Variants in ADAMTS3 observed in about 807,000 individuals in gnomAD.
The protein encoded by ADAMTS3 is ADAM metallopeptidase with thrombospondin type 1 motif 3.
ADAMTS3 carries 73 observed loss-of-function variants against 129.0 expected under a neutral mutation model. The observed-to-expected ratio is 0.57, with a 90% CI of 0.47 to 0.69. ADAMTS3 has a LOEUF of 0.69. Ranked by LOEUF, ADAMTS3 falls within the 30% of genes least tolerant of loss-of-function variation. The pLI, the probability that ADAMTS3 is intolerant of heterozygous loss-of-function variation, is 0.00. For synonymous variants in ADAMTS3, 477 were observed against 510.8 expected, an observed-to-expected ratio of 0.93 and a Z score of 0.89; for missense variants, 1,457 against 1,514.5, an observed-to-expected ratio of 0.96 and a Z score of 0.63.
intron 17 of ADAMTS3, among the ~76,000 whole-genome samples, chr4:72,302,085 G>C (rs998644414): frequency 6.6e-6 from 1 of 151,978 alleles, no homozygotes; most frequent in Non-Finnish European, 1.5e-5. Context: ...ATAAAACTAG[G>C]CCTTAAAGGA....
chr4:72,404,150 A>G (rs1721993287), intron 4 of ADAMTS3, among the ~76,000 whole-genome samples: 2 of 152,234 alleles, frequency 1.3e-5, no homozygotes, highest in Non-Finnish European at 2.9e-5. Flanking sequence ...GGCATTTTTT[A>G]CGGACATAGA....
intron 6 of ADAMTS3, among the ~76,000 whole-genome samples, chr4:72,322,517 CTCT>C (rs1719582837): frequency 6.6e-6 from 1 of 152,150 alleles, no homozygotes; most frequent in Non-Finnish European, 1.5e-5. Flanking sequence ...CTGCACCTTC[CTCT>C]TAAGTGGAAA....
chr4:72,528,664 T>C (rs1239281822), intron 3 of ADAMTS3, among the ~76,000 whole-genome samples: 1 of 151,966 alleles, frequency 6.6e-6, no homozygotes, highest in Admixed American at 6.6e-5. Context: ...TTTATTTATA[T>C]AAAATCTTAG....
chr4:72,303,883 G>A (rs768639089), intron 17 of ADAMTS3, 34 bp downstream of exon 17: 6 of 1,605,376 alleles, frequency 3.7e-6, no homozygotes, highest in Middle Eastern at 1.7e-4. Context: ...AGTAAGCTGA[G>A]CTAACTATAC....
intron 3 of ADAMTS3, among the ~76,000 whole-genome samples, chr4:72,464,270 T>C (rs979154939): frequency 7.2e-5 from 11 of 151,988 alleles, no homozygotes; most frequent in African/African-American, 2.2e-4. Context: ...ACAGAATCTT[T>C]TCCTGCCTCC....
intron 3 of ADAMTS3, among the ~76,000 whole-genome samples, chr4:72,517,576 T>G (rs1720525596): frequency 6.6e-6 from 1 of 152,216 alleles, no homozygotes; most frequent in Non-Finnish European, 1.5e-5. Flanking sequence ...AGGGTGTATG[T>G]GTCAAGGAAT....
chr4:72,368,152 AC>A (rs1720918568), intron 4 of ADAMTS3, among the ~76,000 whole-genome samples: 1 of 152,170 alleles, frequency 6.6e-6, no homozygotes, highest in African/African-American at 2.4e-5. Context: ...CAACTTCAAA[AC>A]TTTTATTAAA....
chr4:72,566,628 G>T (rs772085051), intron 2 of ADAMTS3, among the ~76,000 whole-genome samples: 10 of 152,218 alleles, frequency 6.6e-5, no homozygotes, highest in Non-Finnish European at 1.2e-4. Context: ...AAATGTGTAT[G>T]AAAAGACTTT....
chr4:72,343,912 T>G (rs566795726), intron 4 of ADAMTS3, among the ~76,000 whole-genome samples: 16 of 152,172 alleles, frequency 1.1e-4, no homozygotes, highest in Non-Finnish European at 2.2e-4. Flanking sequence ...TTAAAACTTT[T>G]TAGGAAAATG....
intron 4 of ADAMTS3, among the ~76,000 whole-genome samples, chr4:72,398,221 CA>C (rs1033348479): frequency 6.6e-6 from 1 of 151,764 alleles, no homozygotes; most frequent in African/African-American, 2.4e-5. Context: ...GGGTGCAAAA[CA>C]AAAAATGTTC....
chr4:72,284,432 G>A (rs1248575544), intron 21 of ADAMTS3, among the ~76,000 whole-genome samples: 5 of 138,698 alleles, frequency 3.6e-5, no homozygotes, highest in African/African-American at 1.1e-4. Context: ...GTGACAGAGC[G>A]AGACTCTGTC....
chr4:72,284,308 G>A lies in ADAMTS3; in HGVS notation c.3050-604C>T, dbSNP rs566156984. On this transcript the variant is annotated intron_variant, in intron 21 of 21. Transcript: ENST00000286657. Reference sequence around the variant, plus strand: ...AATACAAAAAAAATTAGCCAGGCGCGGTGGCAGGCGCCTGTAGTCCCAGCT... The same window carrying A: ...AATACAAAAAAAATTAGCCAGGCGCAGTGGCAGGCGCCTGTAGTCCCAGCT... Among the ~76,000 whole-genome samples, 294 of 152,132 alleles carry A rather than the reference G, an allele frequency of 1.9e-3. 1 individual carries two copies. The highest frequency in any genetic ancestry group is 0.01 in the Middle Eastern group (3 of 294).
chr4:72,364,666 CAG>C (rs1030589062), intron 4 of ADAMTS3, among the ~76,000 whole-genome samples: 3 of 149,760 alleles, frequency 2.0e-5, no homozygotes, highest in African/African-American at 7.4e-5. Context: ...ATGAAAAAAA[CAG>C]AGTTATGTGC....
chr4:72,310,405 C>T (rs1022613182), intron 14 of ADAMTS3, among the ~76,000 whole-genome samples: 1 of 151,990 alleles, frequency 6.6e-6, no homozygotes, highest in South Asian at 2.1e-4. Flanking sequence ...AAAATGTAAG[C>T]TCAATTACTT....
intron 2 of ADAMTS3, among the ~76,000 whole-genome samples, chr4:72,558,109 A>C (rs1721812301): frequency 6.6e-6 from 1 of 151,896 alleles, no homozygotes; most frequent in African/African-American, 2.4e-5. Flanking sequence ...GCCTGGGGAA[A>C]ATAAAATAAA....
At chr4:72,512,505 T>C (rs1246640830) in intron 3 of ADAMTS3, among the ~76,000 whole-genome samples, 2 of 152,118 alleles carry the variant, frequency 1.3e-5, no homozygotes, top group East Asian at 3.9e-4. Flanking sequence ...AATAAATGAA[T>C]AAATAAATAA....
At chr4:72,558,420 T>A (rs1249036582) in intron 2 of ADAMTS3, among the ~76,000 whole-genome samples, 1 of 151,658 alleles carries the variant, frequency 6.6e-6, no homozygotes, top group African/African-American at 2.4e-5. Context: ...GTCCTCCTGC[T>A]ACCACCTCTC....
intron 4 of ADAMTS3, among the ~76,000 whole-genome samples, chr4:72,357,054 A>C (rs931395667): frequency 6.6e-6 from 1 of 151,944 alleles, no homozygotes; most frequent in African/African-American, 2.4e-5. Context: ...AACATTGTTA[A>C]ACATCAGAAA....
intron 4 of ADAMTS3, among the ~76,000 whole-genome samples, chr4:72,386,771 G>C (rs1057502730): frequency 6.6e-6 from 1 of 152,000 alleles, no homozygotes; most frequent in Admixed American, 6.6e-5. Flanking sequence ...CTACTCAAGG[G>C]CCTGCTCTTT....
Sources: gnomAD v4.1 joint callset for allele counts (sites outside exome capture counted in the v4.1 genomes callset) on GRCh38, gnomAD v4.1.1 for gene constraint, MANE v1.5 for transcripts, NCBI Gene and HGNC (gene_info 2026-07-23, HGNC 2026-07-21) for gene names.